The following ALKBH8 variants were observed in gnomAD, a reference collection of about 807,000 sequenced individuals.
The protein encoded by ALKBH8 is tRNA (carboxymethyluridine(34)-5-O)-methyltransferase ALKBH8.
A neutral mutation model predicts 59.8 loss-of-function variants in ALKBH8; 36 were observed. The observed-to-expected ratio is 0.60, with a 90% confidence interval of 0.46 to 0.79. ALKBH8 has a LOEUF of 0.79. Ranked by LOEUF, ALKBH8 falls within the 30% of genes least tolerant of loss-of-function variation. ALKBH8 has a pLI of 0.00. For missense variants in ALKBH8, 768 were observed against 801.0 expected, an observed-to-expected ratio of 0.96 and a Z score of 0.50; for synonymous variants, 276 against 273.6, an observed-to-expected ratio of 1.01 and a Z score of -0.09.
rs530997616 is a variant in ALKBH8, at chr11:107,547,043, G to A, written c.771+2710C>T. 3.9e-5 allele frequency among the ~76,000 whole-genome samples: 6 copies of A among 152,152 alleles called. No homozygotes were observed. In the East Asian group the frequency reaches 9.6e-4, roughly 24 times the overall value. On this transcript the variant is annotated intron_variant, in intron 7 of 11. Transcript: ENST00000428149. ...AGAAAAGTAAAGTATTAAATATAAC[G>A]TCAATGACTTTAGCTGAGTCTTTGA...
rs770185897 is a variant in ALKBH8, at chr11:107,557,009, AAAAC to A, written c.130-10_130-7del. The stretch of plus-strand genomic sequence containing the variant: ...CCATTGGCAACAACCAGGCTCTTAA[AAAAC>A]AAACAAACAAACAAAAAGAAAGTAA... On this transcript the variant is annotated splice_region_variant and splice_polypyrimidine_tract_variant and intron_variant, in intron 2 of 11. Transcript: ENST00000428149. The A allele has an allele frequency of 8.1e-5, 124 of 1,534,746 alleles. No individual in the cohort carries two copies. The highest frequency in any genetic ancestry group is 4.7e-4 in the East Asian group (20 of 42,320).
chr11:107,539,323 G>A (rs188923396), intron 7 of ALKBH8, among the ~76,000 whole-genome samples: 2 of 152,334 alleles, frequency 1.3e-5, no homozygotes, highest in African/African-American at 4.8e-5. Context: ...CCACTGGCTA[G>A]GTGTGGTGGC....
At chr11:107,540,133 T>C (rs1434222360) in intron 7 of ALKBH8, among the ~76,000 whole-genome samples, 2 of 152,198 alleles carry the variant, frequency 1.3e-5, no homozygotes, top group Non-Finnish European at 2.9e-5. Flanking sequence ...GCTTTCCTAG[T>C]TATCAGGTAC....
chr11:107,537,931 G>C (rs1863888285), intron 7 of ALKBH8, among the ~76,000 whole-genome samples: 1 of 152,048 alleles, frequency 6.6e-6, no homozygotes, highest in Non-Finnish European at 1.5e-5. Context: ...ATACTTTAGT[G>C]CCTTTCTGGT....
chr11:107,513,099 C>T (rs1862708430), intron 10 of ALKBH8, among the ~76,000 whole-genome samples: 1 of 152,144 alleles, frequency 6.6e-6, no homozygotes, highest in African/African-American at 2.4e-5. Flanking sequence ...AAACTATCAA[C>T]AGAGTGAACA....
Position 107,560,760 on chromosome 11 carries a change from G to T in ALKBH8, c.129+5C>A. On this transcript the variant is annotated splice_donor_5th_base_variant and intron_variant, in intron 2 of 11. Transcript: ENST00000428149. ...ATTCTAATAATAATAGTAGTTTTAGGTCACCTGAGTGGCATAGGATACTGT... is the reference window on the plus strand; with the variant it reads ...ATTCTAATAATAATAGTAGTTTTAGTTCACCTGAGTGGCATAGGATACTGT... 6.3e-7 allele frequency: 1 copy of T among 1,598,600 alleles called. No homozygotes were observed. Among genetic ancestry groups the T allele is most frequent in the Non-Finnish European group, 8.5e-7 (1 of 1,173,774 alleles).
At chr11:107,522,274 GAA>G in intron 10 of ALKBH8, 23 bp downstream of exon 10, 1 of 1,548,064 alleles carries the variant, frequency 6.5e-7, no homozygotes, top group Non-Finnish European at 8.7e-7. Context: ...TAAGCAAAAA[GAA>G]AGTCAAAAGC....
chr11:107,536,935 CACTTAG>C (rs1157107616), intron 7 of ALKBH8, among the ~76,000 whole-genome samples: 1 of 152,158 alleles, frequency 6.6e-6, no homozygotes, highest in Non-Finnish European at 1.5e-5. Context: ...ATTACAACTC[CACTTAG>C]ACTGTAATGC....
At chr11:107,534,440 G>C (rs1863725631) in intron 7 of ALKBH8, among the ~76,000 whole-genome samples, 1 of 152,170 alleles carries the variant, frequency 6.6e-6, no homozygotes, top group Admixed American at 6.5e-5. Context: ...CTACAAGAGT[G>C]AAGAGAGACA....
At chr11:107,513,216 C>T (rs927845818) in intron 10 of ALKBH8, among the ~76,000 whole-genome samples, 4 of 152,068 alleles carry the variant, frequency 2.6e-5, no homozygotes, top group Admixed American at 6.6e-5. Context: ...AAAAAACAAT[C>T]GGTCCCATTA....
rs1232924263 is a variant in ALKBH8, at chr11:107,505,061, A to G, written c.1592T>C (p.Met531Thr). The G allele has an allele frequency of 6.4e-7, 1 of 1,551,620 alleles. No individual in the cohort carries two copies. The highest frequency in any genetic ancestry group is 1.4e-5 in the African/African-American group (1 of 73,126). ...CCTCTGCACTGAGGTATCACTGTTC[A>G]TCTCCTCTTTCTTTCCTTGGCTATT... is the stretch of plus-strand genomic sequence containing the variant. ...NRNSQGKKEE[M>T]NSDTSVQRSL... Residue 531 changes from methionine to threonine, a missense_variant, in exon 12 of 12, where the codon ATG (methionine) becomes ACG (threonine). Physicochemically the swap from Met to Thr is moderately conservative, Grantham distance 81. Coordinates refer to ENST00000428149, the MANE Select transcript of ALKBH8 (RefSeq NM_138775.3).
In ALKBH8 at chr11:107,532,281, G is replaced by A; in HGVS notation, c.878+19C>T. On this transcript the variant is annotated intron_variant, in intron 8 of 11. Coordinates refer to ENST00000428149, the MANE Select transcript of ALKBH8 (RefSeq NM_138775.3). ...AAGTCTCATAAAGAAAAAGAATCCTGTCATATTTCAATACATACCCATGGG... is the reference window on the plus strand; with the variant it reads ...AAGTCTCATAAAGAAAAAGAATCCTATCATATTTCAATACATACCCATGGG... 2 of 1,592,450 alleles carry A rather than the reference G, an allele frequency of 1.3e-6. No homozygotes were observed. The highest frequency in any genetic ancestry group is 2.2e-5 in the East Asian group (1 of 44,506).
intron 10 of ALKBH8, among the ~76,000 whole-genome samples, chr11:107,521,387 T>G (rs1329272327): frequency 6.6e-6 from 1 of 152,186 alleles, no homozygotes; most frequent in African/African-American, 2.4e-5. Context: ...GCTTCAATTT[T>G]ATATACCAAG....
At chr11:107,519,472 A>T (rs531000464) in intron 10 of ALKBH8, among the ~76,000 whole-genome samples, 1 of 152,340 alleles carries the variant, frequency 6.6e-6, no homozygotes, top group South Asian at 2.1e-4. Context: ...ACTGTAGGAA[A>T]ATCAGACTGG....
At chr11:107,533,059 A>G (rs1405027322) in intron 7 of ALKBH8, among the ~76,000 whole-genome samples, 2 of 152,120 alleles carry the variant, frequency 1.3e-5, no homozygotes, top group African/African-American at 2.4e-5. Flanking sequence ...AAAAAGGAAC[A>G]TTTTCGGCAA....
Position 107,565,599 on chromosome 11 carries a change from A to G in ALKBH8, c.-7+2T>C, listed in dbSNP as rs1591340478. ...TGCCCGCCAGTAAGAAGTGCCACACACCTCCGCTTCGGCTCAGGCCGGATT... is the reference window on the plus strand; with the variant it reads ...TGCCCGCCAGTAAGAAGTGCCACACGCCTCCGCTTCGGCTCAGGCCGGATT... On this transcript the variant is annotated splice_donor_variant, in intron 1 of 11. Transcript: ENST00000428149. LOFTEE classifies it low-confidence loss of function (5UTR_SPLICE). The G allele has an allele frequency of 2.0e-6, 3 of 1,535,396 alleles. No individual in the cohort carries two copies. Among genetic ancestry groups the G allele is most frequent in the South Asian group, 2.4e-5 (2 of 84,042 alleles).
intron 1 of ALKBH8, among the ~76,000 whole-genome samples, chr11:107,564,802 C>G (rs1865064761): frequency 6.6e-6 from 1 of 152,192 alleles, no homozygotes; most frequent in Non-Finnish European, 1.5e-5. Context: ...AACACTCACT[C>G]CATGAAGTAG....
At chr11:107,549,631 T>C (rs1211091025) in intron 7 of ALKBH8, 122 bp downstream of exon 7, 1 of 677,414 alleles carries the variant, frequency 1.5e-6, no homozygotes, top group Non-Finnish European at 2.3e-6. Context: ...AAAGTGCTAA[T>C]GGTGCCCTTA....
At chr11:107,551,694 C>CAAA (rs1204968155) in intron 6 of ALKBH8, 114 bp downstream of exon 6, 107 of 241,066 alleles carry the variant, frequency 4.4e-4, no homozygotes, top group East Asian at 6.4e-4. Context: ...AACTCCATCT[C>CAAA]AAAAAAAAAA....
Sources: gnomAD v4.1 joint callset for allele counts (sites outside exome capture counted in the v4.1 genomes callset) on GRCh38, gnomAD v4.1.1 for gene constraint, MANE v1.5 for transcripts, NCBI Gene and HGNC (gene_info 2026-07-23, HGNC 2026-07-21) for gene names.